ERBB4: variants seen among roughly 807,000 people sequenced by gnomAD.
ERBB4 encodes erb-b2 receptor tyrosine kinase 4, also known as receptor tyrosine-protein kinase erbB-4.
In ERBB4, 42 loss-of-function variants were observed where a neutral mutation model predicts 158.0. The observed-to-expected ratio is 0.27, with a 90% CI of 0.21 to 0.34. The LOEUF (loss-of-function observed/expected upper bound fraction) is 0.34, where lower values mean the gene tolerates loss of function less well. Among genes scored for constraint, ERBB4 ranks in the 10% least tolerant of loss-of-function variants. The pLI is 1.00. For synonymous variants in ERBB4, 583 were observed against 558.7 expected, an observed-to-expected ratio of 1.04 and a Z score of -0.61; for missense variants, 1,333 against 1,624.1, an observed-to-expected ratio of 0.82 and a Z score of 3.08.
intron 20 of ERBB4, among the ~76,000 whole-genome samples, chr2:211,537,772 A>G (rs1366683788): frequency 6.6e-6 from 1 of 151,980 alleles, no homozygotes; most frequent in Non-Finnish European, 1.5e-5. Flanking sequence ...AGGGCTTAAT[A>G]AAAATTCATC....
At position 211,631,542 on chromosome 2, in the gene ERBB4, TA is replaced by T. The variant is rs1311831819; in HGVS notation, c.1947-949del. 1.1e-3 allele frequency among the ~76,000 whole-genome samples: 175 copies of T among 152,338 alleles called. 1 individual carries two copies. The highest frequency in any genetic ancestry group is 4.1e-3 in the African/African-American group (169 of 41,580). ...GAGATTGATTGGAAATCTTCATTCT[TA>T]AAATGTTTTTGTAATGTATTGTTAG... On this transcript the variant is annotated intron_variant, in intron 16 of 27. Transcript: ENST00000342788.
intron 1 of ERBB4, among the ~76,000 whole-genome samples, chr2:212,490,056 C>G (rs1333120943): frequency 6.6e-6 from 1 of 151,870 alleles, no homozygotes; most frequent in Non-Finnish European, 1.5e-5. Context: ...TCTCTTACCA[C>G]TACCTAGAAT....
chr2:212,536,863 A>G (rs1693100040), intron 1 of ERBB4, among the ~76,000 whole-genome samples: 1 of 152,106 alleles, frequency 6.6e-6, no homozygotes, highest in Admixed American at 6.5e-5. Flanking sequence ...TGAATGGGTC[A>G]ATGTGCATAA....
chr2:211,957,137 C>A (rs1401720718), intron 2 of ERBB4, among the ~76,000 whole-genome samples: 1 of 152,014 alleles, frequency 6.6e-6, no homozygotes, highest in Non-Finnish European at 1.5e-5. Context: ...GCCAAACCCC[C>A]ATAATGTATA....
intron 3 of ERBB4, among the ~76,000 whole-genome samples, chr2:211,881,956 A>C (rs1272750615): frequency 6.6e-6 from 1 of 152,126 alleles, no homozygotes; most frequent in Non-Finnish European, 1.5e-5. Flanking sequence ...TTTCTGGAGG[A>C]CCAAAGAAAG....
At chr2:211,770,379 C>A (rs7421416) in intron 4 of ERBB4, among the ~76,000 whole-genome samples, 2 of 152,046 alleles carry the variant, frequency 1.3e-5, no homozygotes, top group African/African-American at 2.4e-5. Context: ...ATCTCTAATT[C>A]TTTTTTAAAA....
chr2:211,893,303 AG>A (rs1192918153), intron 3 of ERBB4, among the ~76,000 whole-genome samples: 2 of 144,740 alleles, frequency 1.4e-5, no homozygotes, highest in Admixed American at 1.4e-4. Flanking sequence ...AAAACAAGCA[AG>A]GGGGAAAGGA....
rs1470498977 is a variant in ERBB4, at chr2:211,893,505, G to A, written c.421+53925C>T. Among the ~76,000 whole-genome samples the A allele has an allele frequency of 1.4e-5, 2 of 141,330 alleles. 1 individual carries two copies. The highest frequency in any genetic ancestry group is 7.0e-3 in the Middle Eastern group (2 of 286). The allele number at this position is 141,330 out of a possible 152,430, so 92.7% of individuals were successfully genotyped here. On this transcript the variant is annotated intron_variant, in intron 3 of 27. Coordinates refer to ENST00000342788, the MANE Select transcript of ERBB4 (RefSeq NM_005235.3). ...CATTCAGGACATAGGCATGGGCAAG[G>A]ACTTCATGTCCAAAACACCAAAAGC...
At chr2:212,182,383 T>C (rs1253507754) in intron 1 of ERBB4, among the ~76,000 whole-genome samples, 1 of 151,860 alleles carries the variant, frequency 6.6e-6, no homozygotes, top group African/African-American at 2.4e-5. Flanking sequence ...TATAAACAAT[T>C]AGCTTATTTC....
chr2:212,363,189 A>T (rs1256657635), intron 1 of ERBB4, among the ~76,000 whole-genome samples: 1 of 151,360 alleles, frequency 6.6e-6, no homozygotes, highest in African/African-American at 2.4e-5. Context: ...TATGGTTGTA[A>T]TTGTGTGATC....
intron 2 of ERBB4, among the ~76,000 whole-genome samples, chr2:211,962,552 T>C (rs1461421904): frequency 3.3e-5 from 5 of 152,280 alleles, no homozygotes; most frequent in Non-Finnish European, 5.9e-5. Context: ...AGTGGCACTG[T>C]ATACAGAGAA....
intron 20 of ERBB4, among the ~76,000 whole-genome samples, chr2:211,516,401 T>C (rs2066034762): frequency 6.6e-6 from 1 of 151,920 alleles, no homozygotes; most frequent in South Asian, 2.1e-4. Context: ...TGGTACAATC[T>C]TGGCTCAGTG....
chr2:211,539,451 G>A (rs575182799), intron 20 of ERBB4, among the ~76,000 whole-genome samples: 10 of 152,018 alleles, frequency 6.6e-5, no homozygotes, highest in Admixed American at 3.3e-4. Context: ...GCACATCTGC[G>A]TCTTTTTGTG....
At chr2:211,958,282 C>T (rs1197217305) in intron 2 of ERBB4, among the ~76,000 whole-genome samples, 1 of 152,076 alleles carries the variant, frequency 6.6e-6, no homozygotes, top group Non-Finnish European at 1.5e-5. Flanking sequence ...AATAGGCATT[C>T]TATGGACATC....
At chr2:212,015,967 A>T (rs532624251) in intron 2 of ERBB4, among the ~76,000 whole-genome samples, 3 of 151,424 alleles carry the variant, frequency 2.0e-5, no homozygotes, top group Non-Finnish European at 4.4e-5. Context: ...AAAATAGAGC[A>T]TTCCCTAAAT....
intron 1 of ERBB4, among the ~76,000 whole-genome samples, chr2:212,155,543 A>G (rs1459776189): frequency 6.6e-6 from 1 of 152,080 alleles, no homozygotes; most frequent in Non-Finnish European, 1.5e-5. Flanking sequence ...GGCACCCATA[A>G]TTCTGCATTT....
At chr2:212,162,748 G>A (rs2081238620) in intron 1 of ERBB4, among the ~76,000 whole-genome samples, 1 of 151,900 alleles carries the variant, frequency 6.6e-6, no homozygotes, top group Non-Finnish European at 1.5e-5. Flanking sequence ...AAATGTAATG[G>A]TTAAAGCTAA....
chr2:212,237,202 T>A (rs930375760), intron 1 of ERBB4, among the ~76,000 whole-genome samples: 1 of 152,226 alleles, frequency 6.6e-6, no homozygotes, highest in Non-Finnish European at 1.5e-5. Context: ...TTTTTCCTCA[T>A]CTTCGTGGAT....
At chr2:212,127,417 C>A (rs1233147141) in intron 1 of ERBB4, among the ~76,000 whole-genome samples, 7 of 152,084 alleles carry the variant, frequency 4.6e-5, no homozygotes, top group African/African-American at 1.7e-4. Flanking sequence ...ACAGTGAAAC[C>A]CCGTCTCAAC....
Sources: allele counts gnomAD v4.1 joint callset (sites outside exome capture counted in the v4.1 genomes callset), GRCh38; gene constraint gnomAD v4.1.1; transcripts MANE v1.5; gene names NCBI Gene and HGNC (gene_info 2026-07-23, HGNC 2026-07-21).